Variants in RIMKLB observed in about 807,000 individuals in gnomAD.
RIMKLB encodes beta-citrylglutamate synthase B.
In RIMKLB, 7 loss-of-function variants were observed where a neutral mutation model predicts 32.0. That is an observed-to-expected ratio of 0.22 (90% CI 0.12 to 0.41). RIMKLB has a LOEUF of 0.41. RIMKLB is among the 10% of genes least tolerant of loss of function. The pLI, the probability that RIMKLB is intolerant of heterozygous loss-of-function variation, is 1.00. For synonymous variants in RIMKLB, 172 were observed against 185.1 expected (o/e 0.93, Z 0.57); for missense variants, 289 against 498.7 (o/e 0.58, Z 4.00).
intron 5 of RIMKLB, among the ~76,000 whole-genome samples, chr12:8,755,730 C>T (rs950334636): frequency 2.6e-5 from 4 of 152,136 alleles, no homozygotes; most frequent in Admixed American, 6.5e-5. Flanking sequence ...CCGATAGGGC[C>T]GGGCACAATG....
upstream of RIMKLB, among the ~76,000 whole-genome samples, chr12:8,680,570 T>C (rs754651964): frequency 6.6e-6 from 1 of 152,344 alleles, no homozygotes; most frequent in African/African-American, 2.4e-5. Flanking sequence ...CTTTACTTTC[T>C]TGATAAACTT....
In RIMKLB at chr12:8,776,621, TTATATATC is replaced by T. The variant is rs1950742224; in HGVS notation, c.*2840_*2847del. The T allele has an allele frequency of 3.3e-6, 3 of 900,356 alleles. No individual in the cohort carries two copies. The highest frequency in any genetic ancestry group is 3.6e-5 in the African/African-American group (2 of 55,320). 55.8% of individuals were successfully genotyped at this position (900,356 alleles called of 1,614,324 possible). ...TGTCACCCATGATGAAAACTGGACT[TTATATATC>T]TAAACATACAAGTATGAACTATTCT... On this transcript the variant is annotated 3_prime_UTR_variant, in exon 6 of 6. Transcript: ENST00000535829.
chr12:8,671,131 G>A, the RIMKLB span, among the ~76,000 whole-genome samples: 8 of 152,102 alleles, frequency 5.3e-5, no homozygotes, highest in South Asian at 2.1e-4. Flanking sequence ...TGCCATGAAG[G>A]TCTCTGACAT....
chr12:8,727,162 C>G (rs1290581378), intron 2 of RIMKLB, among the ~76,000 whole-genome samples: 1 of 151,956 alleles, frequency 6.6e-6, no homozygotes, highest in East Asian at 1.9e-4. Flanking sequence ...CACGTGCACA[C>G]AGACACACAC....
rs1230794683 is a variant in RIMKLB at position 8,775,858 on chromosome 12, T to A, written c.*2074T>A. 1.0e-6 allele frequency: 1 copy of A among 984,988 alleles called. No individual in the cohort carries two copies. The highest frequency in any genetic ancestry group is 1.7e-5 in the African/African-American group (1 of 57,226). The allele number at this position is 984,988 out of a possible 1,614,324, so 61.0% of individuals were successfully genotyped here. A position where few individuals can be genotyped will look rare whatever the true frequency, so the allele number is the denominator to read the frequency against. ...TATTCTAATTGCATTTAAAAGAACT[T>A]ATCTTGCGCAGGGTAAATGGGGGAC... On this transcript the variant is annotated 3_prime_UTR_variant, in exon 6 of 6. Coordinates refer to ENST00000535829, the MANE Select transcript of RIMKLB (RefSeq NM_001297776.2).
At chr12:8,697,517 A>C (rs1189601976), upstream of RIMKLB, among the ~76,000 whole-genome samples, 1 of 151,968 alleles carries the variant, frequency 6.6e-6, no homozygotes, top group Admixed American at 6.5e-5. Context: ...GGGCCTAAGC[A>C]GGGAATGTGA....
chr12:8,676,382 C>CTTTTTTT, the RIMKLB span, among the ~76,000 whole-genome samples: 24 of 37,342 alleles, frequency 6.4e-4, 2 homozygotes, highest in East Asian at 2.7e-3. Context: ...CCCCCAACAG[C>CTTTTTTT]TTTTTTTTTT....
chr12:8,751,438 A>T lies in RIMKLB; in HGVS notation c.407-519A>T, dbSNP rs1249964229. Among the ~76,000 whole-genome samples, 5 of 152,202 alleles carry T rather than the reference A, an allele frequency of 3.3e-5. No individual in the cohort carries two copies. The East Asian group carries it at 9.6e-4, about 29-fold the overall frequency. ...TAAAAAGAATAAGAAAGGAGACTTA[A>T]CCCAGGATGCTTAGTTACCCTAGTG... is the stretch of plus-strand genomic sequence containing the variant. On this transcript the variant is annotated intron_variant, in intron 3 of 5. Coordinates refer to ENST00000535829, the MANE Select transcript of RIMKLB (RefSeq NM_001297776.2).
intron 1 of RIMKLB, among the ~76,000 whole-genome samples, chr12:8,698,527 G>C (rs971911980): frequency 6.6e-6 from 1 of 152,116 alleles, no homozygotes; most frequent in Non-Finnish European, 1.5e-5. Flanking sequence ...TGTGCCGGGA[G>C]GCGCCGGCCC....
intron 1 of RIMKLB, among the ~76,000 whole-genome samples, chr12:8,711,376 G>T (rs1252109586): frequency 6.6e-6 from 1 of 152,092 alleles, no homozygotes; most frequent in Non-Finnish European, 1.5e-5. Flanking sequence ...TCCAGCCTGG[G>T]TGACTGAAAC....
chr12:8,749,219 A>ATTT lies in RIMKLB; in HGVS notation c.176-629_176-627dup, dbSNP rs34847350. Among the ~76,000 whole-genome samples, 334 of 141,046 alleles carry ATTT rather than the reference A, an allele frequency of 2.4e-3. 3 individuals are homozygous for ATTT. The highest frequency in any genetic ancestry group is 8.3e-3 in the African/African-American group (322 of 38,614). 92.5% of individuals were successfully genotyped at this position (141,046 alleles called of 152,430 possible). Reference sequence around the variant, plus strand: ...CAGTTTAAATTGTTAAACCACTTAGATTTTTTTTTTTTTTTTGAGTCTCTC... The same window carrying ATTT: ...CAGTTTAAATTGTTAAACCACTTAGATTTTTTTTTTTTTTTTTTTGAGTCTCTC... On this transcript the variant is annotated intron_variant, in intron 2 of 5. Coordinates refer to ENST00000535829, the MANE Select transcript of RIMKLB (RefSeq NM_001297776.2).
At chr12:8,675,787 T>C in the RIMKLB span, among the ~76,000 whole-genome samples, 33,663 of 151,398 alleles carry the variant, frequency 0.22, 4,386 homozygotes, top group Non-Finnish European at 0.3. Flanking sequence ...AGTTGTTTTC[T>C]TGTTTTTCTT....
chr12:8,747,728 T>TAC (rs1948225415), intron 2 of RIMKLB, among the ~76,000 whole-genome samples: 1 of 152,090 alleles, frequency 6.6e-6, no homozygotes, highest in Admixed American at 6.6e-5. Context: ...AAGCTATATA[T>TAC]ACTCTGATAC....
intron 2 of RIMKLB, among the ~76,000 whole-genome samples, chr12:8,740,528 T>C (rs111427260): frequency 6.6e-6 from 1 of 152,358 alleles, no homozygotes; most frequent in Middle Eastern, 3.4e-3. Context: ...AAGTCCATTA[T>C]ATCATTCTTA....
At chr12:8,734,822 G>A (rs1591802378) in intron 2 of RIMKLB, among the ~76,000 whole-genome samples, 1 of 152,052 alleles carries the variant, frequency 6.6e-6, no homozygotes, top group Admixed American at 6.5e-5. Context: ...AAAATAAAAA[G>A]CATCTTCCAG....
chr12:8,749,330 C>G (rs1190385919), intron 2 of RIMKLB, among the ~76,000 whole-genome samples: 2 of 152,064 alleles, frequency 1.3e-5, no homozygotes, highest in Non-Finnish European at 2.9e-5. Context: ...CCTGCCTCAG[C>G]CTCCCGAGTA....
rs117175004 is a variant in RIMKLB, at chr12:8,706,162, G to A, written c.-56-7649G>A. Among the ~76,000 whole-genome samples the A allele has an allele frequency of 9.5e-4, 144 of 152,164 alleles. 2 individuals are homozygous for A. The East Asian group carries it at 0.017, about 18-fold the overall frequency. The stretch of plus-strand genomic sequence containing the variant: ...TTGTTTTGTTTTTTGTTTTTGAGGC[G>A]GAGTTTTGCCCTTGTCACCCAGGCT... On this transcript the variant is annotated intron_variant, in intron 1 of 5. Coordinates refer to ENST00000535829, the MANE Select transcript of RIMKLB (RefSeq NM_001297776.2).
At chr12:8,767,855 A>G (rs191692057) in intron 5 of RIMKLB, among the ~76,000 whole-genome samples, 24 of 152,366 alleles carry the variant, frequency 1.6e-4, no homozygotes, top group Non-Finnish European at 2.8e-4. Flanking sequence ...ACCAGCTGAC[A>G]GGTGCCTGGT....
At chr12:8,760,332 C>G (rs1949413765) in intron 5 of RIMKLB, among the ~76,000 whole-genome samples, 1 of 152,198 alleles carries the variant, frequency 6.6e-6, no homozygotes, top group African/African-American at 2.4e-5. Flanking sequence ...TTTTCTTAAT[C>G]CAGTCTATCA....
Sources: allele counts gnomAD v4.1 joint callset (sites outside exome capture counted in the v4.1 genomes callset), GRCh38; gene constraint gnomAD v4.1.1; transcripts MANE v1.5; gene names NCBI Gene and HGNC (gene_info 2026-07-23, HGNC 2026-07-21).